Variants in DNAH14 observed in about 807,000 individuals in gnomAD.
The protein encoded by DNAH14 is axonemal beta dynein heavy chain 14.
DNAH14 carries 478 observed loss-of-function variants against 520.9 expected under a neutral mutation model. The ratio of observed to expected loss-of-function variants is 0.92; its 90% confidence interval spans 0.85 to 0.99. DNAH14 has a LOEUF of 0.99. Among genes scored for constraint, DNAH14 ranks in the 50% least tolerant of loss-of-function variants. DNAH14 has a pLI of 0.00. For missense variants in DNAH14, 4,831 were observed against 5,234.5 expected, an observed-to-expected ratio of 0.92 and a Z score of 2.38; for synonymous variants, 1,581 against 1,757.2, an observed-to-expected ratio of 0.90 and a Z score of 2.51.
intron 79 of DNAH14, among the ~76,000 whole-genome samples, chr1:225,377,985 C>G (rs986107852): frequency 2.0e-5 from 3 of 151,894 alleles, no homozygotes; most frequent in African/African-American, 7.3e-5. Context: ...TTTTCTTGTT[C>G]CCTAATATTT....
At position 224,967,898 on chromosome 1, in the gene DNAH14, TAAAG is replaced by T. The variant is rs997282183; in HGVS notation, c.651+319_651+322del. The T allele has an allele frequency of 6.4e-6, 8 of 1,245,852 alleles. No homozygotes were observed. The African/African-American group carries it at 1.2e-4, about 19-fold the overall frequency. 77.2% of individuals were successfully genotyped at this position (1,245,852 alleles called of 1,614,324 possible). A position where few individuals can be genotyped will look rare whatever the true frequency, so the allele number is the denominator to read the frequency against. The stretch of plus-strand genomic sequence containing the variant: ...GCTAGCTTAATGGGAACTATAATAA[TAAAG>T]AAAAGAATATTCTTTATTGGCACAT... On this transcript the variant is annotated intron_variant, in intron 6 of 85. Transcript: ENST00000682510.
chr1:225,050,537 A>G (rs949411111), intron 16 of DNAH14, among the ~76,000 whole-genome samples, 161 bp downstream of exon 16: 4 of 152,214 alleles, frequency 2.6e-5, no homozygotes, highest in Admixed American at 2.6e-4. Context: ...ATGATCTGTC[A>G]TCGCTGCTCA....
Position 225,023,900 on chromosome 1 carries a change from C to G in DNAH14, c.1358+35C>G, listed in dbSNP as rs1572537079. ...TTTTTTGAAGTCAAAAAGTAACTTA[C>G]AATTATAATATTTTAACATTGCCAC... On this transcript the variant is annotated intron_variant, in intron 11 of 85. Transcript: ENST00000682510. 4 of 1,492,510 alleles carry G rather than the reference C, an allele frequency of 2.7e-6. No individual in the cohort carries two copies. The East Asian group carries it at 1.0e-4, about 37-fold the overall frequency. 92.5% of individuals were successfully genotyped at this position (1,492,510 alleles called of 1,614,324 possible). A position where few individuals can be genotyped will look rare whatever the true frequency, so the allele number is the denominator to read the frequency against.
intron 81 of DNAH14, among the ~76,000 whole-genome samples, chr1:225,382,329 G>A (rs2095793033): frequency 6.6e-6 from 1 of 152,134 alleles, no homozygotes; most frequent in African/African-American, 2.4e-5. Flanking sequence ...TTTGGAAATA[G>A]TCCAGTAGTT....
rs555355357 is a variant in DNAH14, at chr1:225,129,972, G to GA, written c.4254+6365dup. Among the ~76,000 whole-genome samples, 728 of 152,100 alleles carry GA rather than the reference G, an allele frequency of 4.8e-3. 4 individuals carry two copies. Among genetic ancestry groups the GA allele is most frequent in the African/African-American group, 0.016 (684 of 41,508 alleles). Reference sequence around the variant, plus strand: ...ACAATGAACTCAAACAAATTTACAAGAAAAAAACAAACAACCCCATCAAAA... The same window carrying GA: ...ACAATGAACTCAAACAAATTTACAAGAAAAAAAACAAACAACCCCATCAAAA... On this transcript the variant is annotated intron_variant, in intron 27 of 85. Transcript: ENST00000682510.
chr1:225,186,545 A>T, intron 37 of DNAH14, among the ~76,000 whole-genome samples: 1 of 151,972 alleles, frequency 6.6e-6, no homozygotes, highest in East Asian at 1.9e-4. Context: ...ATTGTGAGAA[A>T]TTTGGAAAAT....
chr1:225,194,400 G>T (rs1045263970), intron 38 of DNAH14, among the ~76,000 whole-genome samples: 5 of 152,052 alleles, frequency 3.3e-5, no homozygotes, highest in African/African-American at 1.2e-4. Context: ...TTGACAAAAA[G>T]TTGCCAAAGT....
intron 46 of DNAH14, among the ~76,000 whole-genome samples, chr1:225,261,363 T>C (rs975496665): frequency 3.3e-5 from 5 of 152,208 alleles, no homozygotes; most frequent in African/African-American, 1.2e-4. Flanking sequence ...TTCAATTTTG[T>C]CAAATGCTTC....
At chr1:225,263,866 A>G (rs1439291745) in intron 46 of DNAH14, among the ~76,000 whole-genome samples, 1 of 152,102 alleles carries the variant, frequency 6.6e-6, no homozygotes, top group Non-Finnish European at 1.5e-5. Flanking sequence ...AATAAGATGA[A>G]TGGGTCTTTG....
At chr1:225,347,895 C>T (rs942629269) in intron 71 of DNAH14, among the ~76,000 whole-genome samples, 2 of 152,008 alleles carry the variant, frequency 1.3e-5, no homozygotes, top group Middle Eastern at 3.4e-3. Flanking sequence ...CTATGGGCTG[C>T]CTGACAAGGA....
At chr1:225,155,532 A>G (rs944325003) in intron 34 of DNAH14, among the ~76,000 whole-genome samples, 2 of 152,210 alleles carry the variant, frequency 1.3e-5, no homozygotes, top group African/African-American at 2.4e-5. Flanking sequence ...CATATATGAA[A>G]CCCAAGTATA....
At chr1:225,075,151 C>T (rs2072100690) in intron 17 of DNAH14, among the ~76,000 whole-genome samples, 2 of 152,152 alleles carry the variant, frequency 1.3e-5, no homozygotes, top group Non-Finnish European at 2.9e-5. Flanking sequence ...AAGGGGTTCT[C>T]CTGCCCCAAG....
chr1:225,003,363 GAT>G (rs2147812082), intron 9 of DNAH14, among the ~76,000 whole-genome samples: 1 of 152,082 alleles, frequency 6.6e-6, no homozygotes, highest in East Asian at 1.9e-4. Flanking sequence ...ATTTATATAA[GAT>G]AGCTCTTTTG....
chr1:225,303,481 G>T, intron 57 of DNAH14, 134 bp downstream of exon 57: 1 of 718,356 alleles, frequency 1.4e-6, no homozygotes, highest in Middle Eastern at 4.0e-4. Flanking sequence ...TGGATCAAGT[G>T]TTTACAATGA....
intron 27 of DNAH14, among the ~76,000 whole-genome samples, chr1:225,126,457 T>A (rs1453156374): frequency 6.6e-6 from 1 of 152,230 alleles, no homozygotes. Flanking sequence ...TGTCGAGGAA[T>A]TTATCCATTT....
chr1:225,127,846 A>G (rs753118829), intron 27 of DNAH14, among the ~76,000 whole-genome samples: 3 of 152,220 alleles, frequency 2.0e-5, no homozygotes, highest in East Asian at 1.9e-4. Context: ...GCGGCTGGTA[A>G]CAGTTGTTCC....
chr1:225,078,841 TCCCTCTCTCTCTCTCTCC>T (rs2072694406), intron 17 of DNAH14, among the ~76,000 whole-genome samples: 2 of 57,120 alleles, frequency 3.5e-5, no homozygotes, highest in African/African-American at 1.4e-4. Context: ...TCTCTCTCTC[TCCCTCTCTCTCTCTCTCC>T]CTCTCTCTCT....
intron 17 of DNAH14, among the ~76,000 whole-genome samples, chr1:225,072,570 TG>T (rs1449903456): frequency 1.3e-5 from 2 of 152,238 alleles, no homozygotes; most frequent in Non-Finnish European, 1.5e-5. Context: ...AGAGTCTTGC[TG>T]GAGAGGTATT....
At chr1:225,357,612 GA>G (rs1295996862) in intron 73 of DNAH14, among the ~76,000 whole-genome samples, 3 of 116,188 alleles carry the variant, frequency 2.6e-5, no homozygotes, top group African/African-American at 1.0e-4. Context: ...ATAATTAAAA[GA>G]AAATTTTAAG....
Sources: gnomAD v4.1 joint callset for allele counts (sites outside exome capture counted in the v4.1 genomes callset) on GRCh38, gnomAD v4.1.1 for gene constraint, MANE v1.5 for transcripts, NCBI Gene and HGNC (gene_info 2026-07-23, HGNC 2026-07-21) for gene names.